Variants in LPP observed in about 807,000 individuals in gnomAD.
LPP encodes LIM domain containing preferred translocation partner in lipoma.
LPP carries 38 observed loss-of-function variants against 60.4 expected under a neutral mutation model. That is an observed-to-expected ratio of 0.63 (90% CI 0.49 to 0.83). LPP has a LOEUF of 0.83. Among genes scored for constraint, LPP ranks in the 40% least tolerant of loss-of-function variants. LPP has a pLI of 0.00. For missense variants in LPP, 902 were observed against 783.6 expected (o/e 1.15, Z -1.80); for synonymous variants, 328 against 290.8 (o/e 1.13, Z -1.30).
At chr3:188,276,742 G>C (rs1055957787) in intron 2 of LPP, among the ~76,000 whole-genome samples, 5 of 146,684 alleles carry the variant, frequency 3.4e-5, no homozygotes, top group Non-Finnish European at 7.4e-5. Flanking sequence ...CTCCTCTCCT[G>C]CTGTTGCCAT....
At chr3:188,838,767 A>G (rs758323668) in intron 9 of LPP, among the ~76,000 whole-genome samples, 19 of 152,174 alleles carry the variant, frequency 1.2e-4, no homozygotes, top group Non-Finnish European at 2.4e-4. Flanking sequence ...CAGAAAACCA[A>G]ACACCACATG....
chr3:188,274,221 C>T (rs989378163), intron 2 of LPP, among the ~76,000 whole-genome samples: 7 of 152,072 alleles, frequency 4.6e-5, no homozygotes, highest in African/African-American at 1.7e-4. Flanking sequence ...CCTTTTTATT[C>T]CATTTTTGAT....
chr3:188,370,737 A>T (rs929409086), intron 3 of LPP, among the ~76,000 whole-genome samples: 1 of 152,076 alleles, frequency 6.6e-6, no homozygotes, highest in Non-Finnish European at 1.5e-5. Flanking sequence ...GGGCTGGGAA[A>T]GCCATTTGAG....
intron 4 of LPP, among the ~76,000 whole-genome samples, chr3:188,438,005 G>T (rs1040665195): frequency 3.9e-5 from 6 of 152,140 alleles, no homozygotes; most frequent in African/African-American, 1.4e-4. Flanking sequence ...TATAAGGTGG[G>T]TAGGGACAGG....
chr3:188,466,090 G>C (rs1194769175), intron 4 of LPP, among the ~76,000 whole-genome samples: 1 of 152,066 alleles, frequency 6.6e-6, no homozygotes, highest in Admixed American at 6.6e-5. Flanking sequence ...TAGACTGCCT[G>C]GTGACTACTC....
At chr3:188,410,304 T>C (rs1347949655) in intron 4 of LPP, among the ~76,000 whole-genome samples, 1 of 152,212 alleles carries the variant, frequency 6.6e-6, no homozygotes, top group Non-Finnish European at 1.5e-5. Context: ...TTGCATTACT[T>C]TTCCTTCCTA....
chr3:188,175,397 A>G (rs1722789467), intron 1 of LPP, among the ~76,000 whole-genome samples: 1 of 152,160 alleles, frequency 6.6e-6, no homozygotes, highest in African/African-American at 2.4e-5. Context: ...CTAGAGTAGA[A>G]TTTTAACTTG....
chr3:188,239,530 A>G (rs774747466), intron 2 of LPP, among the ~76,000 whole-genome samples: 11 of 152,290 alleles, frequency 7.2e-5, no homozygotes, highest in Non-Finnish European at 1.3e-4. Context: ...TTTTAACAAA[A>G]TTTTTAAAGA....
chr3:188,806,579 A>G (rs11923647), intron 9 of LPP, among the ~76,000 whole-genome samples: 2,865 of 151,984 alleles, frequency 0.019, 84 homozygotes, highest in African/African-American at 0.064. Context: ...GAAATTCACA[A>G]TCAGCTTTTG....
chr3:188,846,786 G>C (rs67563589), intron 9 of LPP, among the ~76,000 whole-genome samples: 15,144 of 151,934 alleles, frequency 0.1, 1,004 homozygotes, highest in Middle Eastern at 0.16. Context: ...GGGAATGACT[G>C]AGCATGGGTC....
chr3:188,500,633 T>A (rs1047961703), intron 5 of LPP, among the ~76,000 whole-genome samples: 2 of 152,162 alleles, frequency 1.3e-5, no homozygotes, highest in East Asian at 3.8e-4. Context: ...ATAATTGTTG[T>A]TAGTTCATGT....
chr3:188,764,885 C>T (rs1412515962), intron 9 of LPP, among the ~76,000 whole-genome samples: 1 of 152,096 alleles, frequency 6.6e-6, no homozygotes, highest in African/African-American at 2.4e-5. Flanking sequence ...GAGTTGAAAT[C>T]CAAATGACTA....
Position 188,217,180 on chromosome 3 carries a change from G to T in LPP, c.-189-8225G>T, listed in dbSNP as rs897317697. On this transcript the variant is annotated intron_variant, in intron 1 of 11. Coordinates refer to ENST00000617246, the MANE Select transcript of LPP (RefSeq NM_001375462.1). This position sits in a 1 kb window ranked among gnomAD's most constrained non-coding sequence, Gnocchi z 4.0. Reference sequence around the variant, plus strand: ...GGCATTCTGACTGTGAGTGAGTGGGGAAGGACTCTGGGAGGTTATGTTTAA... The same window carrying T: ...GGCATTCTGACTGTGAGTGAGTGGGTAAGGACTCTGGGAGGTTATGTTTAA... Among the ~76,000 whole-genome samples, 13 of 152,326 alleles carry T rather than the reference G, an allele frequency of 8.5e-5. No individual in the cohort carries two copies. Among genetic ancestry groups the T allele is most frequent in the African/African-American group, 3.1e-4 (13 of 41,580 alleles).
chr3:188,267,590 C>G (rs901278870), intron 2 of LPP, among the ~76,000 whole-genome samples: 23 of 152,198 alleles, frequency 1.5e-4, no homozygotes, highest in African/African-American at 5.3e-4. Flanking sequence ...TCTGTGGACC[C>G]ACTTAGTAAG....
At chr3:188,796,682 A>C (rs1018679327) in intron 9 of LPP, among the ~76,000 whole-genome samples, 4 of 152,196 alleles carry the variant, frequency 2.6e-5, no homozygotes, top group African/African-American at 9.7e-5. Flanking sequence ...TGTTCCAAAT[A>C]GGAGCCCAGT....
chr3:188,372,314 A>G (rs1465858137), intron 3 of LPP, among the ~76,000 whole-genome samples: 2 of 152,120 alleles, frequency 1.3e-5, no homozygotes, highest in Non-Finnish European at 2.9e-5. Flanking sequence ...TCCTTACTAT[A>G]TAGATTTGTT....
chr3:188,346,101 T>C (rs893380811), intron 3 of LPP, among the ~76,000 whole-genome samples: 12 of 152,248 alleles, frequency 7.9e-5, no homozygotes, highest in African/African-American at 2.9e-4. Context: ...AGCCCCTTTT[T>C]CTGGTTTGAG....
rs370701652 is a variant in LPP at position 188,588,789 on chromosome 3, TCTC to T, written c.430-20367_430-20365del. ...GTTTGCTGGAAACAGGATCCACCCT[TCTC>T]CTCCAAGGCCAGTGTATGTGTGTCC... On this transcript the variant is annotated intron_variant, in intron 6 of 11. Transcript: ENST00000617246. Among the ~76,000 whole-genome samples, 24 of 152,160 alleles carry T rather than the reference TCTC, an allele frequency of 1.6e-4. No homozygotes were observed. In the East Asian group the frequency reaches 4.3e-3, roughly 27 times the overall value.
intron 5 of LPP, among the ~76,000 whole-genome samples, chr3:188,515,285 C>G (rs1040541918): frequency 1.3e-5 from 2 of 152,112 alleles, no homozygotes; most frequent in Admixed American, 6.5e-5. Flanking sequence ...TGGTACCTCT[C>G]CCCAAGCCTT....
Sources: gnomAD v4.1 joint callset for allele counts (sites outside exome capture counted in the v4.1 genomes callset) on GRCh38, gnomAD v4.1.1 for gene constraint, Gnocchi (gnomAD v3.1) non-coding constraint, MANE v1.5 for transcripts, NCBI Gene and HGNC (gene_info 2026-07-23, HGNC 2026-07-21) for gene names.